MDFIC2: variants seen among roughly 807,000 people sequenced by gnomAD.
MDFIC2 encodes the protein MyoD family inhibitor domain containing 2.
chr3:70,197,141 A>C lies in MDFIC2; in HGVS notation c.355T>G (p.Trp119Gly), dbSNP rs1242547301. 5.0e-6 allele frequency: 2 copies of C among 398,580 alleles called. No individual in the cohort carries two copies. The highest frequency in any genetic ancestry group is 1.3e-4 in the South Asian group (1 of 7,850). 24.7% of individuals were successfully genotyped at this position (398,580 alleles called of 1,614,324 possible). ...LILACLFCQFWDCLLMLPGTC... is the reference protein window; with the variant it reads ...LILACLFCQFGDCLLMLPGTC... ...CCGGGGAGCATCAGGAGACAGTCCC[A>C]AAACTGGCAAAACAGACAGGCGAGG... The change falls in exon 4 of 4, where the codon TGG (tryptophan) becomes GGG (glycine). Residue 119 changes from tryptophan to glycine, a missense_variant. Transcript: ENST00000567252.
intron 2 of MDFIC2, among the ~76,000 whole-genome samples, chr3:70,275,587 T>G (rs1211855845): frequency 6.6e-6 from 1 of 152,090 alleles, no homozygotes; most frequent in Non-Finnish European, 1.5e-5. Flanking sequence ...ACTGCCTAGG[T>G]TTAAATCCTG....
chr3:70,283,419 C>T (rs2049222), intron 2 of MDFIC2, among the ~76,000 whole-genome samples: 31,466 of 151,936 alleles, frequency 0.21, 3,452 homozygotes, highest in South Asian at 0.28. Context: ...TGAAATTCTC[C>T]CTGGATACTG....
intron 2 of MDFIC2, among the ~76,000 whole-genome samples, chr3:70,262,417 C>T (rs879371158): frequency 6.6e-6 from 1 of 152,008 alleles, no homozygotes; most frequent in Non-Finnish European, 1.5e-5. Flanking sequence ...TTAAAAGATG[C>T]GGATGCATTC....
At chr3:70,290,157 T>C in intron 2 of MDFIC2, among the ~76,000 whole-genome samples, 1 of 152,030 alleles carries the variant, frequency 6.6e-6, no homozygotes, top group East Asian at 1.9e-4. Flanking sequence ...AGTTTCCAGT[T>C]TTTCTGTTCT....
chr3:70,292,697 A>T (rs998422407), intron 2 of MDFIC2, among the ~76,000 whole-genome samples: 2 of 151,944 alleles, frequency 1.3e-5, no homozygotes, highest in South Asian at 2.1e-4. Flanking sequence ...CTCTTTTTTG[A>T]TGTACACATA....
intron 3 of MDFIC2, chr3:70,205,760 T>C (rs746189694): frequency 2.6e-5 from 4 of 152,114 alleles, no homozygotes; most frequent in African/African-American, 9.7e-5. Flanking sequence ...AAAGTAAATA[T>C]GTATTTAAAT....
chr3:70,200,462 G>A (rs558170484), intron 3 of MDFIC2, among the ~76,000 whole-genome samples: 1 of 152,160 alleles, frequency 6.6e-6, no homozygotes, highest in East Asian at 1.9e-4. Context: ...CATGGCTCAG[G>A]GCCTTTGCAC....
chr3:70,268,092 G>A (rs548639629), intron 2 of MDFIC2, among the ~76,000 whole-genome samples: 74 of 150,882 alleles, frequency 4.9e-4, no homozygotes, highest in Non-Finnish European at 7.8e-4. Flanking sequence ...TTTTAGAGTA[G>A]TTTTAGGTTC....
chr3:70,253,747 A>T (rs1055676585), intron 2 of MDFIC2, among the ~76,000 whole-genome samples: 3 of 152,204 alleles, frequency 2.0e-5, no homozygotes, highest in African/African-American at 7.2e-5. Flanking sequence ...ATACAAATAA[A>T]AAAAGAAAAT....
chr3:70,267,436 T>C (rs1701926620), intron 2 of MDFIC2, among the ~76,000 whole-genome samples: 1 of 138,484 alleles, frequency 7.2e-6, no homozygotes, highest in Admixed American at 7.7e-5. Context: ...GGAGTCTCGC[T>C]CTGTCACCCA....
intron 2 of MDFIC2, among the ~76,000 whole-genome samples, chr3:70,305,370 T>G (rs1702390610): frequency 6.6e-6 from 1 of 152,204 alleles, no homozygotes; most frequent in Non-Finnish European, 1.5e-5. Flanking sequence ...ATTACCTGTG[T>G]TTACATAGTA....
At chr3:70,294,667 T>G (rs756920507) in intron 2 of MDFIC2, among the ~76,000 whole-genome samples, 2 of 152,068 alleles carry the variant, frequency 1.3e-5, no homozygotes, top group African/African-American at 2.4e-5. Flanking sequence ...ATAAAGTAAT[T>G]TATGACTCAT....
At chr3:70,283,273 G>A (rs182651416) in intron 2 of MDFIC2, among the ~76,000 whole-genome samples, 45 of 152,098 alleles carry the variant, frequency 3.0e-4, no homozygotes, top group South Asian at 6.2e-4. Context: ...TCCTCTGATT[G>A]ATTGCTTTTT....
At chr3:70,290,609 T>C (rs1344322923) in intron 2 of MDFIC2, among the ~76,000 whole-genome samples, 1 of 152,218 alleles carries the variant, frequency 6.6e-6, no homozygotes, top group East Asian at 1.9e-4. Context: ...TTCCGGGCTG[T>C]TTTGATTACC....
chr3:70,287,158 A>G, intron 2 of MDFIC2, among the ~76,000 whole-genome samples: 1 of 137,068 alleles, frequency 7.3e-6, no homozygotes, highest in Non-Finnish European at 1.6e-5. Flanking sequence ...GAATGCTTCC[A>G]GTTTTTGCCC....
chr3:70,254,110 T>A (rs1701793370), intron 2 of MDFIC2, among the ~76,000 whole-genome samples: 1 of 149,674 alleles, frequency 6.7e-6, no homozygotes, highest in African/African-American at 2.5e-5. Context: ...AGCATTAAAA[T>A]TTTTTGGTAA....
At chr3:70,217,143 G>A (rs1229348915) in intron 2 of MDFIC2, among the ~76,000 whole-genome samples, 1 of 152,180 alleles carries the variant, frequency 6.6e-6, no homozygotes, top group South Asian at 2.1e-4. Flanking sequence ...AAGTTTGTCT[G>A]TGTCAATTAA....
chr3:70,294,487 A>G (rs571788031), intron 2 of MDFIC2, among the ~76,000 whole-genome samples: 29 of 152,244 alleles, frequency 1.9e-4, no homozygotes, highest in Non-Finnish European at 3.2e-4. Context: ...AAAAAAGGAG[A>G]AAGAGATCCC....
intron 2 of MDFIC2, among the ~76,000 whole-genome samples, chr3:70,227,150 G>T (rs1052665016): frequency 6.6e-6 from 1 of 152,152 alleles, no homozygotes; most frequent in African/African-American, 2.4e-5. Flanking sequence ...GTTAAAGCAG[G>T]ACTACAACAA....
Sources: gnomAD v4.1 joint callset for allele counts (sites outside exome capture counted in the v4.1 genomes callset) on GRCh38, gnomAD v4.1.1 for gene constraint, MANE v1.5 for transcripts, NCBI Gene and HGNC (gene_info 2026-07-23, HGNC 2026-07-21) for gene names.